Variants in KIRREL1 observed in about 807,000 individuals in gnomAD.
KIRREL1 encodes the protein kirre like nephrin family adhesion molecule 1, also known as kin of IRRE-like protein 1.
KIRREL1 carries 25 observed loss-of-function variants against 83.3 expected under a neutral mutation model. The ratio of observed to expected loss-of-function variants is 0.30; its 90% CI spans 0.22 to 0.42. The LOEUF is 0.42. KIRREL1 is among the 10% of genes least tolerant of loss of function. The pLI, the probability that KIRREL1 is intolerant of heterozygous loss-of-function variation, is 1.00. For synonymous variants in KIRREL1, 388 were observed against 410.4 expected (o/e 0.95, Z 0.66); for missense variants, 812 against 1,032.3 (o/e 0.79, Z 2.92).
In KIRREL1 at chr1:158,014,802, C is replaced by T. The variant is rs866849271; in HGVS notation, c.52+21074C>T. On this transcript the variant is annotated intron_variant, in intron 1 of 14. Transcript: ENST00000359209. ...TCTTTCCTTCCTTGGATACGACAGG[C>T]AAGGCCCACCTCTGTGTTAACTGCG... Among the ~76,000 whole-genome samples, 30 of 151,962 alleles carry T rather than the reference C, an allele frequency of 2.0e-4. 1 individual carries two copies. In the Middle Eastern group the frequency reaches 0.027, roughly 138 times the overall value.
intron 1 of KIRREL1, among the ~76,000 whole-genome samples, chr1:158,036,236 A>G (rs1025146585): frequency 1.3e-5 from 2 of 152,196 alleles, no homozygotes; most frequent in African/African-American, 4.8e-5. Flanking sequence ...TCATTTATTC[A>G]TTTCTTTATT....
intron 1 of KIRREL1, among the ~76,000 whole-genome samples, chr1:158,056,235 AG>A (rs1418913260): frequency 6.6e-6 from 1 of 152,012 alleles, no homozygotes; most frequent in Non-Finnish European, 1.5e-5. Context: ...GCCCTCTTCC[AG>A]GGCGCTCTTT....
chr1:158,000,812 G>A (rs1659340834), intron 1 of KIRREL1, among the ~76,000 whole-genome samples: 1 of 152,132 alleles, frequency 6.6e-6, no homozygotes, highest in Admixed American at 6.5e-5. Context: ...TGAAATAAAT[G>A]AGCCTTGCAG....
chr1:158,044,916 T>C (rs1660735650), intron 1 of KIRREL1, among the ~76,000 whole-genome samples: 1 of 152,034 alleles, frequency 6.6e-6, no homozygotes, highest in Non-Finnish European at 1.5e-5. Flanking sequence ...AAATGGAAAA[T>C]AATTAAGCAA....
chr1:158,049,858 G>A (rs746326484), intron 1 of KIRREL1, among the ~76,000 whole-genome samples: 7 of 152,132 alleles, frequency 4.6e-5, no homozygotes, highest in East Asian at 3.9e-4. Context: ...TAGTGGGGTC[G>A]GTGAGCAGAA....
chr1:158,017,739 TTC>T lies in KIRREL1; in HGVS notation c.52+24013_52+24014del, dbSNP rs769139798. ...ATAAATTTCTGAGAAAGAAAATAGT[TTC>T]TTTTTTTTTCTATTTTTCTGTTTTT... is the stretch of plus-strand genomic sequence containing the variant. On this transcript the variant is annotated intron_variant, in intron 1 of 14. Coordinates refer to ENST00000359209, the MANE Select transcript of KIRREL1 (RefSeq NM_018240.7). Among the ~76,000 whole-genome samples the T allele has an allele frequency of 4.7e-4, 52 of 110,960 alleles. No homozygotes were observed. The Middle Eastern group carries it at 0.012, about 26-fold the overall frequency. 72.8% of individuals were successfully genotyped at this position (110,960 alleles called of 152,430 possible).
intron 1 of KIRREL1, among the ~76,000 whole-genome samples, chr1:158,029,331 A>G (rs565583553): frequency 0.019 from 864 of 46,664 alleles, 4 homozygotes; most frequent in Non-Finnish European, 0.037. Context: ...TTGCTGTAAC[A>G]AAAACCTGTG....
At chr1:158,008,797 A>T (rs1659591080) in intron 1 of KIRREL1, among the ~76,000 whole-genome samples, 1 of 152,136 alleles carries the variant, frequency 6.6e-6, no homozygotes, top group South Asian at 2.1e-4. Context: ...AGCGCCTGTC[A>T]TTTGTTCGAG....
intron 1 of KIRREL1, among the ~76,000 whole-genome samples, chr1:158,000,617 A>C (rs1258565120): frequency 6.6e-6 from 1 of 152,136 alleles, no homozygotes; most frequent in Admixed American, 6.5e-5. Flanking sequence ...GAAGTATGAC[A>C]CTTTTGTTTT....
chr1:158,090,857 AT>A (rs1226515499), intron 10 of KIRREL1, among the ~76,000 whole-genome samples: 1 of 152,188 alleles, frequency 6.6e-6, no homozygotes, highest in Non-Finnish European at 1.5e-5. Context: ...TGGTTCTGTC[AT>A]TGTATAGATG....
At chr1:158,089,655 G>A (rs541325906) in intron 9 of KIRREL1, 27 bp downstream of exon 9, 65 of 1,613,294 alleles carry the variant, frequency 4.0e-5, no homozygotes, top group South Asian at 2.1e-4. Flanking sequence ...AGAGGCAGCC[G>A]GGCCTGGGCG....
intron 1 of KIRREL1, among the ~76,000 whole-genome samples, chr1:158,067,461 T>C (rs943089522): frequency 6.6e-5 from 10 of 152,154 alleles, no homozygotes; most frequent in Non-Finnish European, 1.3e-4. Context: ...CTCCCAGCAG[T>C]CGGTGCTGAG....
At chr1:158,013,772 A>T (rs1350867644) in intron 1 of KIRREL1, among the ~76,000 whole-genome samples, 1 of 150,318 alleles carries the variant, frequency 6.7e-6, no homozygotes, top group Admixed American at 6.6e-5. Context: ...GTCTCCACGG[A>T]CCTCCCTGCC....
At chr1:158,036,623 G>T (rs946429271) in intron 1 of KIRREL1, among the ~76,000 whole-genome samples, 1 of 152,164 alleles carries the variant, frequency 6.6e-6, no homozygotes, top group African/African-American at 2.4e-5. Context: ...CACAACCCGG[G>T]AAAGAGAGGC....
chr1:158,039,215 CTA>C lies in KIRREL1; in HGVS notation c.53-36896_53-36895del, dbSNP rs1385638694. On this transcript the variant is annotated intron_variant, in intron 1 of 14. Coordinates refer to ENST00000359209, the MANE Select transcript of KIRREL1 (RefSeq NM_018240.7). ...AATGCCTGGACTTTGCTGACAATGC[CTA>C]TGTCTTGCTTGCCATAGAATTGTCC... Among the ~76,000 whole-genome samples the C allele has an allele frequency of 2.8e-4, 43 of 152,200 alleles. 1 individual carries two copies. The highest frequency in any genetic ancestry group is 9.4e-4 in the African/African-American group (39 of 41,446).
intron 1 of KIRREL1, among the ~76,000 whole-genome samples, chr1:158,007,898 G>T (rs1038069928): frequency 6.6e-6 from 1 of 152,046 alleles, no homozygotes; most frequent in African/African-American, 2.4e-5. Context: ...CACTCTGCAG[G>T]AGTGAAGTGC....
chr1:158,007,839 G>A (rs917749317), intron 1 of KIRREL1, among the ~76,000 whole-genome samples: 7 of 152,094 alleles, frequency 4.6e-5, no homozygotes, highest in South Asian at 2.1e-4. Flanking sequence ...CTCTGCCCCC[G>A]AGCCGGATGC....
At chr1:158,009,281 T>C (rs1659605226) in intron 1 of KIRREL1, among the ~76,000 whole-genome samples, 1 of 152,236 alleles carries the variant, frequency 6.6e-6, no homozygotes. Flanking sequence ...CCAGTGTGCC[T>C]GGTTTTTAGA....
At chr1:158,067,752 G>C (rs1661393502) in intron 1 of KIRREL1, among the ~76,000 whole-genome samples, 1 of 152,212 alleles carries the variant, frequency 6.6e-6, no homozygotes. Context: ...GATCCCGCTT[G>C]CATTTTTCAG....
Sources: allele counts gnomAD v4.1 joint callset (sites outside exome capture counted in the v4.1 genomes callset), GRCh38; gene constraint gnomAD v4.1.1; transcripts MANE v1.5; gene names NCBI Gene and HGNC (gene_info 2026-07-23, HGNC 2026-07-21).